The following NOMO2 variants were observed in gnomAD, a reference collection of about 807,000 sequenced individuals.
NOMO2 encodes BOS complex subunit NOMO2.
NOMO2 carries 14 observed loss-of-function variants against 67.1 expected under a neutral mutation model. The observed-to-expected ratio is 0.21, with a 90% CI of 0.14 to 0.33. NOMO2 has a LOEUF of 0.33. NOMO2 is among the 10% of genes least tolerant of loss of function. The pLI is 1.00. For synonymous variants in NOMO2, 80 were observed against 305.9 expected, an observed-to-expected ratio of 0.26 and a Z score of 7.71; for missense variants, 178 against 761.0, an observed-to-expected ratio of 0.23 and a Z score of 9.01.
At chr16:18,529,836 C>T (rs536288760) in intron 14 of NOMO2, among the ~76,000 whole-genome samples, 199 bp from the exon 15 acceptor site, 125 of 151,212 alleles carry the variant, frequency 8.3e-4, no homozygotes, top group African/African-American at 2.9e-3. Context: ...AACCTGGAGT[C>T]GAGCGTGGTG....
chr16:18,520,370 T>C (rs137862509), intron 20 of NOMO2, among the ~76,000 whole-genome samples: 5,002 of 111,498 alleles, frequency 0.045, 7 homozygotes, highest in Middle Eastern at 0.075. Flanking sequence ...AATCATTCAT[T>C]CATCCATCCA....
intron 1 of NOMO2, among the ~76,000 whole-genome samples, chr16:18,559,432 G>T (rs997742444): frequency 6.6e-6 from 1 of 151,962 alleles, no homozygotes; most frequent in African/African-American, 2.4e-5. Flanking sequence ...GACACGAGCC[G>T]CAATGAAACA....
In NOMO2 at chr16:18,529,497, A is replaced by G; in HGVS notation, c.1806+4T>C. 3 of 1,611,340 alleles carry G rather than the reference A, an allele frequency of 1.9e-6. No individual in the cohort carries two copies. Among genetic ancestry groups the G allele is most frequent in the South Asian group, 2.2e-5 (2 of 90,848 alleles). On this transcript the variant is annotated splice_donor_region_variant and intron_variant, in intron 15 of 30. Transcript: ENST00000622306. ...AAATAAGAGACTCCATAAGCCGTACATACCAGAGTGATGGCGTGAGACAGG... is the reference window on the plus strand; with the variant it reads ...AAATAAGAGACTCCATAAGCCGTACGTACCAGAGTGATGGCGTGAGACAGG...
intron 16 of NOMO2, among the ~76,000 whole-genome samples, chr16:18,526,488 A>G (rs1389969395): frequency 1.3e-5 from 2 of 151,922 alleles, no homozygotes; most frequent in Admixed American, 1.3e-4. Flanking sequence ...ATTAGTCATA[A>G]CAGCGTCAAA....
Position 18,561,978 on chromosome 16 carries a change from C to A in NOMO2, c.63G>T (p.Leu21=). ...GCGCCGGCCCCACGCCGCTCAGCAG[C>A]AGCACCACCGCGGCGGTGACCACCG... The part of the protein sequence containing the change: ...GPAVVTAAVV[L]LLSGVGPAHG... Residue 21 remains leucine (L), a synonymous_variant, in exon 1 of 31, where the codon CTG becomes CTT. Coordinates refer to ENST00000622306, the MANE Select transcript of NOMO2 (RefSeq NM_173614.4). 6 of 1,564,348 alleles carry A rather than the reference C, an allele frequency of 3.8e-6. No homozygotes were observed. Among genetic ancestry groups the A allele is most frequent in the Non-Finnish European group, 5.2e-6 (6 of 1,156,626 alleles).
intron 1 of NOMO2, chr16:18,558,601 T>G (rs1036298855): frequency 1.1e-4 from 22 of 204,930 alleles, no homozygotes; most frequent in Admixed American, 9.9e-4. Flanking sequence ...CTCATTACTT[T>G]CATTCTCTGA....
At chr16:18,528,957 G>A (rs1901218208) in intron 15 of NOMO2, among the ~76,000 whole-genome samples, 1 of 87,296 alleles carries the variant, frequency 1.1e-5, no homozygotes, top group South Asian at 4.3e-4. Flanking sequence ...AACAGAGCAA[G>A]ACTCCATCTC....
rs570705924 is a variant in NOMO2 at position 18,558,071 on chromosome 16, G to C, written c.166-280C>G. 6.0e-4 allele frequency among the ~76,000 whole-genome samples: 91 copies of C among 150,788 alleles called. 2 individuals carry two copies. The highest frequency in any genetic ancestry group is 2.1e-3 in the African/African-American group (86 of 41,266). On this transcript the variant is annotated intron_variant, in intron 1 of 30. Coordinates refer to ENST00000622306, the MANE Select transcript of NOMO2 (RefSeq NM_173614.4). The stretch of plus-strand genomic sequence containing the variant: ...TTTAGTGGCTGTCTCTAGGTTGCTC[G>C]TGTAAGTTTCCGGGTCTAAAACAAA...
intron 15 of NOMO2, among the ~76,000 whole-genome samples, chr16:18,529,045 G>A (rs1244614166): frequency 5.0e-5 from 4 of 80,100 alleles, no homozygotes; most frequent in African/African-American, 9.2e-5. Context: ...ATATATATCA[G>A]AGAAACTCAC....
At chr16:18,527,795 AT>A (rs1901179298) in intron 15 of NOMO2, among the ~76,000 whole-genome samples, 171 bp from the exon 16 acceptor site, 1 of 135,912 alleles carries the variant, frequency 7.4e-6, no homozygotes, top group African/African-American at 2.7e-5. Context: ...AAAGTGTGCT[AT>A]TTTTCATTCA....
chr16:18,540,403 G>A (rs1300029979), intron 9 of NOMO2, among the ~76,000 whole-genome samples: 3 of 151,876 alleles, frequency 2.0e-5, no homozygotes, highest in African/African-American at 7.2e-5. Flanking sequence ...TAAAGAATAA[G>A]ACACGGTACC....
intron 1 of NOMO2, chr16:18,558,999 C>T (rs1901977256): frequency 2.8e-6 from 1 of 352,358 alleles, no homozygotes; most frequent in Non-Finnish European, 5.8e-6. Flanking sequence ...CACCTCATCC[C>T]TACTAGAAAA....
intron 16 of NOMO2, among the ~76,000 whole-genome samples, chr16:18,526,755 T>C (rs1266485768): frequency 6.6e-6 from 1 of 152,022 alleles, no homozygotes; most frequent in Non-Finnish European, 1.5e-5. Flanking sequence ...AGGGATTAAC[T>C]GTCAATGGGC....
chr16:18,535,051 G>A (rs1366341690), intron 11 of NOMO2, among the ~76,000 whole-genome samples: 16 of 101,246 alleles, frequency 1.6e-4, no homozygotes, highest in Non-Finnish European at 3.2e-4. Flanking sequence ...TACTTTAAAG[G>A]AAGACTAGGC....
At chr16:18,554,312 C>T (rs1051541604) in intron 3 of NOMO2, among the ~76,000 whole-genome samples, 7 of 152,002 alleles carry the variant, frequency 4.6e-5, no homozygotes, top group Admixed American at 1.3e-4. Flanking sequence ...CAGGCTGACA[C>T]GGGGGAAGTA....
chr16:18,529,459 C>T lies in NOMO2; in HGVS notation c.1806+42G>A, dbSNP rs369248732. On this transcript the variant is annotated intron_variant, in intron 15 of 30. Coordinates refer to ENST00000622306, the MANE Select transcript of NOMO2 (RefSeq NM_173614.4). ...TTAGTCTTTCTTGACATCCACAAGG[C>T]GAGCGCTTTTCCAAATAAGAGACTC... 144 of 1,611,528 alleles carry T rather than the reference C, an allele frequency of 8.9e-5. No homozygotes were observed. In the Admixed American group the frequency reaches 1.2e-3, roughly 13 times the overall value.
chr16:18,558,618 A>G (rs1901965566), intron 1 of NOMO2: 1 of 209,708 alleles, frequency 4.8e-6, no homozygotes, highest in South Asian at 6.5e-5. Flanking sequence ...CTGAAGAAAA[A>G]GAGACTAAAA....
intron 15 of NOMO2, chr16:18,527,954 A>G (rs569181534): frequency 1.3e-3 from 699 of 522,482 alleles, no homozygotes; most frequent in Non-Finnish European, 2.1e-3. Flanking sequence ...AGTGATCTCA[A>G]CTGGTCAGTA....
chr16:18,534,289 T>TCACAA (rs2141725520), intron 11 of NOMO2, among the ~76,000 whole-genome samples: 1 of 151,734 alleles, frequency 6.6e-6, no homozygotes, highest in Non-Finnish European at 1.5e-5. Context: ...CCCATTTGTG[T>TCACAA]ATGAACTGCA....
Sources: gnomAD v4.1 joint callset for allele counts (sites outside exome capture counted in the v4.1 genomes callset) on GRCh38, gnomAD v4.1.1 for gene constraint, MANE v1.5 for transcripts, NCBI Gene and HGNC (gene_info 2026-07-23, HGNC 2026-07-21) for gene names.